Variants in ATAD1 observed in about 807,000 individuals in gnomAD.
ATAD1 encodes the protein outer mitochondrial transmembrane helix translocase.
A neutral mutation model predicts 42.7 loss-of-function variants in ATAD1; 18 were observed. The observed-to-expected ratio is 0.42, with a 90% CI of 0.29 to 0.63. The LOEUF (loss-of-function observed/expected upper bound fraction) is 0.63. Among genes scored for constraint, ATAD1 ranks in the 20% least tolerant of loss-of-function variants. The probability of loss-of-function intolerance (pLI) is 0.19; values close to 1 mark genes in which losing one functional copy is unlikely to be tolerated. For synonymous variants in ATAD1, 132 were observed against 143.1 expected (o/e 0.92, Z 0.55); for missense variants, 294 against 440.4 (o/e 0.67, Z 2.98).
chr10:87,786,083 T>C (rs757123548), intron 4 of ATAD1, among the ~76,000 whole-genome samples: 4 of 152,214 alleles, frequency 2.6e-5, no homozygotes, highest in African/African-American at 4.8e-5. Context: ...GGATGGCTCA[T>C]ATGAAACAAT....
At position 87,815,204 on chromosome 10, in the gene ATAD1, A is replaced by G. The variant is rs11202572; in HGVS notation, c.-13-592T>C. Among the ~76,000 whole-genome samples, 1,224 of 152,216 alleles carry G rather than the reference A, an allele frequency of 8.0e-3. 10 individuals carry two copies. The highest frequency in any genetic ancestry group is 0.028 in the African/African-American group (1,169 of 41,540). Reference sequence around the variant, plus strand: ...ATTGTTCCCAACAACCGGGCTAAGTAGGAAGCAATAGAACTTGGAAAAATC... The same window carrying G: ...ATTGTTCCCAACAACCGGGCTAAGTGGGAAGCAATAGAACTTGGAAAAATC... On this transcript the variant is annotated intron_variant, in intron 1 of 9. Coordinates refer to ENST00000680024, the MANE Select transcript of ATAD1 (RefSeq NM_001321967.2).
chr10:87,784,797 T>C (rs113398489), intron 4 of ATAD1, 127 bp from the exon 5 acceptor site: 1 of 818,448 alleles, frequency 1.2e-6, no homozygotes, highest in Non-Finnish European at 1.9e-6. Context: ...TTATTTAATC[T>C]TGTTTATAGT....
intron 1 of ATAD1, among the ~76,000 whole-genome samples, chr10:87,825,977 G>A (rs552867699): frequency 6.6e-6 from 1 of 152,308 alleles, no homozygotes; most frequent in Admixed American, 6.5e-5. Flanking sequence ...TCCAGACACT[G>A]AATGCACTTC....
At chr10:87,826,003 C>T (rs935696136) in intron 1 of ATAD1, among the ~76,000 whole-genome samples, 5 of 152,184 alleles carry the variant, frequency 3.3e-5, no homozygotes, top group Non-Finnish European at 5.9e-5. Flanking sequence ...AAGGCCAGGG[C>T]AAAGCTGGCT....
At chr10:87,795,408 T>C (rs1165563072) in intron 2 of ATAD1, among the ~76,000 whole-genome samples, 1 of 151,846 alleles carries the variant, frequency 6.6e-6, no homozygotes, top group African/African-American at 2.4e-5. Flanking sequence ...TGTTTATGCA[T>C]ACTTTCTTGT....
chr10:87,814,647 AACTATACTTATTAAAATT>A, intron 1 of ATAD1, 35 bp from the exon 2 acceptor site: 2 of 1,418,278 alleles, frequency 1.4e-6, no homozygotes, highest in Non-Finnish European at 1.9e-6. Flanking sequence ...ACTAGGTAAT[AACTATACTTATTAAAATT>A]GTAAGACTAA....
chr10:87,823,091 TAAAA>T (rs879637993), upstream of ATAD1, among the ~76,000 whole-genome samples: 1 of 135,940 alleles, frequency 7.4e-6, no homozygotes, highest in Non-Finnish European at 1.6e-5. Context: ...AGAAGAGAAC[TAAAA>T]AAAAAAAAAG....
chr10:87,821,331 C>T (rs761990275), upstream of ATAD1, among the ~76,000 whole-genome samples: 21 of 151,984 alleles, frequency 1.4e-4, no homozygotes, highest in Non-Finnish European at 2.6e-4. Context: ...AGTTCAAGAC[C>T]AGCCTGGCCA....
At chr10:87,758,102 C>G (rs1854308261) in intron 8 of ATAD1, among the ~76,000 whole-genome samples, 1 of 152,126 alleles carries the variant, frequency 6.6e-6, no homozygotes, top group Non-Finnish European at 1.5e-5. Flanking sequence ...TAGTCATAAT[C>G]ATTTGGGGTA....
At chr10:87,803,272 G>C (rs1343352592) in intron 2 of ATAD1, among the ~76,000 whole-genome samples, 4 of 152,162 alleles carry the variant, frequency 2.6e-5, no homozygotes, top group African/African-American at 7.2e-5. Context: ...TGAGAGATCA[G>C]ACGAAACTTG....
intron 2 of ATAD1, among the ~76,000 whole-genome samples, chr10:87,799,597 T>C (rs1035113513): frequency 1.3e-5 from 2 of 152,322 alleles, no homozygotes; most frequent in East Asian, 3.9e-4. Context: ...GTCTCAGTTA[T>C]GATTTTGCAA....
At chr10:87,765,695 T>G (rs187629053) in intron 8 of ATAD1, among the ~76,000 whole-genome samples, 228 of 152,212 alleles carry the variant, frequency 1.5e-3, no homozygotes, top group African/African-American at 5.2e-3. Flanking sequence ...CATACAATAT[T>G]CATTCCATCC....
chr10:87,785,125 C>A (rs146449723), intron 4 of ATAD1, among the ~76,000 whole-genome samples: 1 of 152,114 alleles, frequency 6.6e-6, no homozygotes, highest in Non-Finnish European at 1.5e-5. Flanking sequence ...AGGACATGTG[C>A]CTTTTTCCAA....
chr10:87,818,975 C>G (rs1019206222), upstream of ATAD1: 3 of 152,300 alleles, frequency 2.0e-5, no homozygotes, highest in Admixed American at 6.5e-5. Context: ...CACAAACTGC[C>G]GGTGGGCCAG....
intron 2 of ATAD1, among the ~76,000 whole-genome samples, chr10:87,802,360 C>T (rs1182202260): frequency 5.3e-5 from 8 of 152,030 alleles, no homozygotes; most frequent in Non-Finnish European, 1.2e-4. Flanking sequence ...TCTGACAGGC[C>T]CAGGAGCCCC....
chr10:87,833,622 T>C (rs964331591), intron 1 of ATAD1, among the ~76,000 whole-genome samples: 27 of 151,936 alleles, frequency 1.8e-4, no homozygotes, highest in African/African-American at 6.0e-4. Flanking sequence ...CTTTATGAGG[T>C]TGTGAAATCC....
Position 87,756,843 on chromosome 10 carries a change from C to A in ATAD1, c.911G>T (p.Arg304Leu). Residue 304 changes from arginine (R) to leucine (L), a missense_variant, in exon 9 of 10, where the codon CGA becomes CTA. Around this residue, in one of 3 missense-constraint regions of ATAD1, gnomAD observed 142 missense variants for 174.6 expected, o/e 0.81. Coordinates refer to ENST00000680024, the MANE Select transcript of ATAD1 (RefSeq NM_001321967.2). The stretch of plus-strand genomic sequence containing the variant: ...TCTAACACAGAGGAGGGCAGCATCT[C>A]GACACATCTCTTTTAGGTCACTTCC... ...FSGSDLKEMC[R>L]DAALLCVREY... 3.7e-6 allele frequency: 6 copies of A among 1,612,898 alleles called. No homozygotes were observed. The highest frequency in any genetic ancestry group is 5.1e-6 in the Non-Finnish European group (6 of 1,179,414).
intron 2 of ATAD1, among the ~76,000 whole-genome samples, chr10:87,793,275 C>G (rs1438821352): frequency 1.3e-5 from 2 of 152,104 alleles, no homozygotes; most frequent in African/African-American, 4.8e-5. Context: ...GTTATGCTGT[C>G]CCTTTTAGGT....
intron 5 of ATAD1, among the ~76,000 whole-genome samples, chr10:87,777,747 C>T (rs1315533782): frequency 6.6e-6 from 1 of 152,124 alleles, no homozygotes; most frequent in Non-Finnish European, 1.5e-5. Context: ...GTCGATCATA[C>T]ATGCAAGTGG....
Sources: gnomAD v4.1 joint callset for allele counts (sites outside exome capture counted in the v4.1 genomes callset) on GRCh38, gnomAD v4.1.1 for gene constraint, gnomAD v4.1.1 regional missense constraint, MANE v1.5 for transcripts, NCBI Gene and HGNC (gene_info 2026-07-23, HGNC 2026-07-21) for gene names.